Variants in PHF2 observed in about 807,000 individuals in gnomAD.
PHF2 encodes the protein lysine-specific demethylase PHF2.
A neutral mutation model predicts 120.5 loss-of-function variants in PHF2; 27 were observed. The ratio of observed to expected loss-of-function variants is 0.22; its 90% CI spans 0.17 to 0.31. PHF2 has a LOEUF of 0.31. PHF2 is among the 10% of genes least tolerant of loss of function. The pLI, the probability that PHF2 is intolerant of heterozygous loss-of-function variation, is 1.00. For missense variants in PHF2, 1,024 were observed against 1,434.8 expected, an observed-to-expected ratio of 0.71 and a Z score of 4.63; for synonymous variants, 568 against 592.5, an observed-to-expected ratio of 0.96 and a Z score of 0.60.
At chr9:93,580,054 G>A (rs1862904847) in intron 1 of PHF2, among the ~76,000 whole-genome samples, 1 of 152,210 alleles carries the variant, frequency 6.6e-6, no homozygotes, top group East Asian at 1.9e-4. Flanking sequence ...GGGGAAGTGT[G>A]GAGTAGAGGT....
intron 1 of PHF2, among the ~76,000 whole-genome samples, chr9:93,604,209 G>A (rs1315136182): frequency 6.6e-6 from 1 of 152,180 alleles, no homozygotes; most frequent in African/African-American, 2.4e-5. Context: ...GGCAAGGGTG[G>A]CATAGTGCAG....
intron 1 of PHF2, among the ~76,000 whole-genome samples, chr9:93,596,203 G>A (rs142188540): frequency 2.6e-3 from 391 of 152,286 alleles, no homozygotes; most frequent in African/African-American, 9.2e-3. Flanking sequence ...TGGGTTAGGA[G>A]GAGGTTTCCC....
At chr9:93,592,036 C>T (rs748091089) in intron 1 of PHF2, among the ~76,000 whole-genome samples, 11 of 152,234 alleles carry the variant, frequency 7.2e-5, no homozygotes, top group Non-Finnish European at 1.5e-4. Flanking sequence ...GTGCATTTCA[C>T]TCTTTACCCA....
At chr9:93,580,670 G>A (rs533237643) in intron 1 of PHF2, among the ~76,000 whole-genome samples, 8 of 152,230 alleles carry the variant, frequency 5.3e-5, no homozygotes, top group Non-Finnish European at 7.3e-5. Flanking sequence ...TTTTGGAGGT[G>A]TAATCAGTAA....
intron 1 of PHF2, among the ~76,000 whole-genome samples, chr9:93,579,582 C>T (rs957321248): frequency 2.0e-5 from 3 of 152,166 alleles, no homozygotes; most frequent in African/African-American, 4.8e-5. Flanking sequence ...TCCTTACTCT[C>T]GAAAATATTG....
At chr9:93,652,196 T>C (rs1826379647) in intron 5 of PHF2, among the ~76,000 whole-genome samples, 1 of 151,674 alleles carries the variant, frequency 6.6e-6, no homozygotes, top group South Asian at 2.1e-4. Flanking sequence ...GACAGAGACA[T>C]GACAGACCCT....
intron 1 of PHF2, among the ~76,000 whole-genome samples, chr9:93,603,460 GAC>G (rs1825482916): frequency 6.6e-6 from 1 of 152,092 alleles, no homozygotes; most frequent in African/African-American, 2.4e-5. Flanking sequence ...GCTGGCTCTG[GAC>G]TCCTGTAGGA....
chr9:93,590,226 A>G (rs1400152621), intron 1 of PHF2, among the ~76,000 whole-genome samples: 2 of 152,354 alleles, frequency 1.3e-5, no homozygotes, highest in East Asian at 1.9e-4. Context: ...ATACCTCACT[A>G]TGGTTTAATG....
chr9:93,604,981 ACTT>A (rs962800192), intron 1 of PHF2, among the ~76,000 whole-genome samples: 3 of 152,146 alleles, frequency 2.0e-5, no homozygotes, highest in Admixed American at 6.5e-5. Context: ...TGCACACAGA[ACTT>A]CTTCTACGTG....
Position 93,623,962 on chromosome 9 carries a change from C to A in PHF2, c.99-6008C>A, listed in dbSNP as rs115676519. 6.6e-3 allele frequency among the ~76,000 whole-genome samples: 1,009 copies of A among 152,312 alleles called. 10 individuals are homozygous for A. Among genetic ancestry groups the A allele is most frequent in the African/African-American group, 0.022 (930 of 41,562 alleles). On this transcript the variant is annotated intron_variant, in intron 1 of 21. Coordinates refer to ENST00000359246, the MANE Select transcript of PHF2 (RefSeq NM_005392.4). Reference sequence around the variant, plus strand: ...CTAGCAGTAACAGCTCACTGTCTAACGAGTGTTCACTCCGGGCCAGGCCCA... The same window carrying A: ...CTAGCAGTAACAGCTCACTGTCTAAAGAGTGTTCACTCCGGGCCAGGCCCA...
At chr9:93,638,721 T>C (rs1826131145) in intron 3 of PHF2, among the ~76,000 whole-genome samples, 1 of 152,178 alleles carries the variant, frequency 6.6e-6, no homozygotes, top group African/African-American at 2.4e-5. Flanking sequence ...TCCAAGTTTG[T>C]TCTTTTCTTT....
chr9:93,665,825 A>G lies in PHF2; in HGVS notation c.2077A>G (p.Ile693Val). The change falls in exon 15 of 22, where the codon ATC becomes GTC. Residue 693 changes from isoleucine to valine, a missense_variant. This residue lies in a region of PHF2 where 677 missense variants were observed against 857.4 expected (regional missense o/e 0.79). Coordinates refer to ENST00000359246, the MANE Select transcript of PHF2 (RefSeq NM_005392.4). ...DGELKIDEFPIRRKKNAPKRD... is the reference protein window; with the variant it reads ...DGELKIDEFPVRRKKNAPKRD... The stretch of plus-strand genomic sequence containing the variant: ...TGAGCTCAAGATCGACGAGTTTCCC[A>G]TCAGGAGGAAGAAAAACGCCCCGAA... 1 of 1,613,674 alleles carries G rather than the reference A, an allele frequency of 6.2e-7. No homozygotes were observed. Among genetic ancestry groups the G allele is most frequent in the Non-Finnish European group, 8.5e-7 (1 of 1,179,968 alleles).
intron 1 of PHF2, among the ~76,000 whole-genome samples, chr9:93,589,214 AG>A: frequency 6.6e-6 from 1 of 152,380 alleles, no homozygotes; most frequent in Middle Eastern, 3.4e-3. Context: ...AGTTTGGAGC[AG>A]GAAGCTTTAT....
rs368121782 is a variant in PHF2 at position 93,636,596 on chromosome 9, G to A, written c.299+71G>A. The A allele has an allele frequency of 7.2e-5, 78 of 1,079,996 alleles. No homozygotes were observed. The African/African-American group carries it at 7.6e-4, about 11-fold the overall frequency. The allele number at this position is 1,079,996 out of a possible 1,614,324, so 66.9% of individuals were successfully genotyped here. A position where few individuals can be genotyped will look rare whatever the true frequency, so the allele number is the denominator to read the frequency against. ...GCACACTCTCTCCGTCCCTTGTCCC[G>A]CTATCCATTGCTGGGGGCTTCCTTT... On this transcript the variant is annotated intron_variant, in intron 3 of 21. Transcript: ENST00000359246.
Position 93,674,184 on chromosome 9 carries a change from G to A in PHF2, c.2626+322G>A, listed in dbSNP as rs528175511. Among the ~76,000 whole-genome samples, 8 of 152,214 alleles carry A rather than the reference G, an allele frequency of 5.3e-5. No individual in the cohort carries two copies. In the South Asian group the frequency reaches 1.7e-3, roughly 32 times the overall value. On this transcript the variant is annotated intron_variant, in intron 18 of 21. Transcript: ENST00000359246. The stretch of plus-strand genomic sequence containing the variant: ...CATCTTGCTTCCTCCTGAACCTTGG[G>A]TCCTGGGCATTCCTCGACAGGCCCC...
intron 1 of PHF2, among the ~76,000 whole-genome samples, chr9:93,602,776 G>A (rs1640971455): frequency 6.6e-6 from 1 of 152,174 alleles, no homozygotes; most frequent in Admixed American, 6.5e-5. Context: ...CCAGGAGTAA[G>A]GTTATTTGGT....
intron 1 of PHF2, among the ~76,000 whole-genome samples, chr9:93,579,207 A>G (rs1182669141): frequency 6.6e-6 from 1 of 152,072 alleles, no homozygotes; most frequent in Non-Finnish European, 1.5e-5. Context: ...CCACCTCCAG[A>G]TAGTCTTGTA....
intron 1 of PHF2, among the ~76,000 whole-genome samples, chr9:93,613,562 T>TTC (rs1825673388): frequency 3.0e-5 from 2 of 67,020 alleles, no homozygotes; most frequent in Admixed American, 3.1e-4. Flanking sequence ...TTCTTTTTCT[T>TTC]TTTTTTTTTT....
intron 1 of PHF2, among the ~76,000 whole-genome samples, chr9:93,612,857 C>T (rs1434593152): frequency 6.6e-5 from 10 of 152,218 alleles, no homozygotes; most frequent in Admixed American, 5.9e-4. Context: ...TGAGAAGGGC[C>T]GGTTCTCCTC....
Sources: gnomAD v4.1 joint callset for allele counts (sites outside exome capture counted in the v4.1 genomes callset) on GRCh38, gnomAD v4.1.1 for gene constraint, gnomAD v4.1.1 regional missense constraint, MANE v1.5 for transcripts, NCBI Gene and HGNC (gene_info 2026-07-23, HGNC 2026-07-21) for gene names.